Variants in SLC41A2 observed in about 807,000 individuals in gnomAD.
SLC41A2 encodes SLC41A1-like 1.
In SLC41A2, 32 loss-of-function variants were observed where a neutral mutation model predicts 58.3. The ratio of observed to expected loss-of-function variants is 0.55; its 90% CI spans 0.41 to 0.74. The LOEUF is 0.74. SLC41A2 is among the 30% of genes least tolerant of loss of function. The pLI is 0.00. For synonymous variants in SLC41A2, 190 were observed against 235.0 expected, an observed-to-expected ratio of 0.81 and a Z score of 1.75; for missense variants, 514 against 680.6, an observed-to-expected ratio of 0.76 and a Z score of 2.72.
At chr12:104,910,441 T>G (rs1054431406) in intron 2 of SLC41A2, among the ~76,000 whole-genome samples, 1 of 152,136 alleles carries the variant, frequency 6.6e-6, no homozygotes, top group African/African-American at 2.4e-5. Context: ...AATTTCTTCA[T>G]CCATTAAATG....
chr12:104,900,705 T>C (rs1359512308), intron 3 of SLC41A2, among the ~76,000 whole-genome samples: 1 of 152,214 alleles, frequency 6.6e-6, no homozygotes, highest in Non-Finnish European at 1.5e-5. Flanking sequence ...TCCATTTGTA[T>C]CTAGCAATCA....
At chr12:104,903,964 C>G (rs930336660) in intron 3 of SLC41A2, among the ~76,000 whole-genome samples, 1 of 151,978 alleles carries the variant, frequency 6.6e-6, no homozygotes, top group African/African-American at 2.4e-5. Flanking sequence ...AGAAAAATAC[C>G]TAGTGTAAAA....
intron 2 of SLC41A2, among the ~76,000 whole-genome samples, chr12:104,916,973 T>A (rs1221435372): frequency 6.7e-6 from 1 of 149,994 alleles, no homozygotes; most frequent in Non-Finnish European, 1.5e-5. Context: ...AATTGACAAA[T>A]GGGATCTAAT....
chr12:104,854,458 G>T (rs1025599048), intron 8 of SLC41A2, among the ~76,000 whole-genome samples: 4 of 152,054 alleles, frequency 2.6e-5, no homozygotes, highest in Non-Finnish European at 5.9e-5. Flanking sequence ...AGCTACTCGG[G>T]AGGCTGAGGC....
chr12:104,922,559 G>A (rs1473505274), intron 2 of SLC41A2, among the ~76,000 whole-genome samples: 1 of 152,030 alleles, frequency 6.6e-6, no homozygotes, highest in Non-Finnish European at 1.5e-5. Context: ...GAGAGAGATA[G>A]ACTACAATAC....
rs118191736 is a variant in SLC41A2 at position 104,876,726 on chromosome 12, G to A, written c.1027+9567C>T. Among the ~76,000 whole-genome samples the A allele has an allele frequency of 5.4e-3, 816 of 152,140 alleles. 1 individual carries two copies. Among genetic ancestry groups the A allele is most frequent in the Non-Finnish European group, 7.4e-3 (501 of 67,988 alleles). On this transcript the variant is annotated intron_variant, in intron 6 of 10. Transcript: ENST00000258538. ...TGATCTATCCTGGATAATGTTCCACGTGCACTTGAAAAGAATGTGTATTCC... is the reference window on the plus strand; with the variant it reads ...TGATCTATCCTGGATAATGTTCCACATGCACTTGAAAAGAATGTGTATTCC...
At chr12:104,940,968 G>A (rs1593181705) in intron 1 of SLC41A2, among the ~76,000 whole-genome samples, 1 of 144,670 alleles carries the variant, frequency 6.9e-6, no homozygotes, top group Non-Finnish European at 1.5e-5. Flanking sequence ...TAGCTCCGAA[G>A]AAAAATCTTG....
intron 3 of SLC41A2, among the ~76,000 whole-genome samples, chr12:104,898,514 A>C (rs1338706415): frequency 2.0e-5 from 3 of 149,314 alleles, no homozygotes; most frequent in Non-Finnish European, 4.5e-5. Context: ...TTCATGCATT[A>C]TTTTAAAAAA....
At chr12:104,883,374 G>A (rs2044484934) in intron 6 of SLC41A2, among the ~76,000 whole-genome samples, 1 of 152,198 alleles carries the variant, frequency 6.6e-6, no homozygotes. Context: ...CTGAGGAGCT[G>A]TGAATCTTTG....
At chr12:104,833,120 C>A (rs1293710631) in intron 10 of SLC41A2, among the ~76,000 whole-genome samples, 1 of 152,120 alleles carries the variant, frequency 6.6e-6, no homozygotes, top group Non-Finnish European at 1.5e-5. Flanking sequence ...AAAGTGAGAA[C>A]TAAGAATAAA....
intron 1 of SLC41A2, among the ~76,000 whole-genome samples, chr12:104,955,041 G>A (rs531449277): frequency 3.6e-5 from 1 of 27,754 alleles, no homozygotes; most frequent in South Asian, 1.1e-3. Flanking sequence ...TTTTTTTTTT[G>A]AGTTAAGACG....
chr12:104,868,834 G>A (rs2043609382), intron 6 of SLC41A2, among the ~76,000 whole-genome samples: 6 of 152,170 alleles, frequency 3.9e-5, no homozygotes. Flanking sequence ...TGATGCATGT[G>A]ACAACGTGAT....
At chr12:104,927,238 T>C (rs187212042) in intron 2 of SLC41A2, among the ~76,000 whole-genome samples, 181 of 152,278 alleles carry the variant, frequency 1.2e-3, no homozygotes, top group African/African-American at 4.3e-3. Context: ...AATGCTGTTT[T>C]TAAATCTATC....
chr12:104,923,058 T>C (rs2046667269), intron 2 of SLC41A2, among the ~76,000 whole-genome samples: 1 of 151,488 alleles, frequency 6.6e-6, no homozygotes, highest in Non-Finnish European at 1.5e-5. Context: ...TTTATAACAA[T>C]AAATACTATG....
intron 10 of SLC41A2, among the ~76,000 whole-genome samples, chr12:104,813,779 G>A (rs901897322): frequency 6.6e-6 from 1 of 152,046 alleles, no homozygotes; most frequent in Non-Finnish European, 1.5e-5. Context: ...AGGACTACAG[G>A]TGCGCACCAC....
chr12:104,855,995 C>T (rs2043007752), intron 8 of SLC41A2, among the ~76,000 whole-genome samples: 1 of 152,096 alleles, frequency 6.6e-6, no homozygotes, highest in Non-Finnish European at 1.5e-5. Context: ...TGAAATGAGC[C>T]GTATGACAAG....
intron 1 of SLC41A2, among the ~76,000 whole-genome samples, chr12:104,944,020 C>T (rs11831693): frequency 0.015 from 2,265 of 151,896 alleles, 60 homozygotes; most frequent in African/African-American, 0.052. Flanking sequence ...GCTCTGTTTT[C>T]GCTCTATTAA....
chr12:104,880,654 C>T (rs140629807), intron 6 of SLC41A2, among the ~76,000 whole-genome samples: 5,764 of 152,292 alleles, frequency 0.038, 151 homozygotes, highest in East Asian at 0.11. Flanking sequence ...CCTTGCATCT[C>T]AGGGATGAAG....
chr12:104,853,038 T>A (rs1224890380), intron 8 of SLC41A2, among the ~76,000 whole-genome samples: 1 of 152,220 alleles, frequency 6.6e-6, no homozygotes, highest in Non-Finnish European at 1.5e-5. Flanking sequence ...CTAAATAATA[T>A]GTGAGATTCC....
Sources: gnomAD v4.1 joint callset for allele counts (sites outside exome capture counted in the v4.1 genomes callset) on GRCh38, gnomAD v4.1.1 for gene constraint, MANE v1.5 for transcripts, NCBI Gene and HGNC (gene_info 2026-07-23, HGNC 2026-07-21) for gene names.